The following NSMAF variants were observed in gnomAD, a reference collection of about 807,000 sequenced individuals.
NSMAF encodes protein FAN.
Under a neutral mutation model 134.9 loss-of-function variants are expected in NSMAF, and 90 were observed. The observed-to-expected ratio is 0.67, with a 90% confidence interval of 0.56 to 0.79. The LOEUF is 0.79. Among genes scored for constraint, NSMAF ranks in the 30% least tolerant of loss-of-function variants. NSMAF has a pLI of 0.00. For missense variants in NSMAF, 1,010 were observed against 1,119.0 expected, an observed-to-expected ratio of 0.90 and a Z score of 1.39; for synonymous variants, 358 against 389.6, an observed-to-expected ratio of 0.92 and a Z score of 0.96.
At chr8:58,613,409 C>G (rs1232610670) in intron 9 of NSMAF, among the ~76,000 whole-genome samples, 1 of 152,154 alleles carries the variant, frequency 6.6e-6, no homozygotes, top group East Asian at 1.9e-4. Flanking sequence ...TCTGAAGGTA[C>G]ACTCTGGCAC....
At chr8:58,648,356 T>G (rs781435311) in intron 1 of NSMAF, among the ~76,000 whole-genome samples, 5 of 152,120 alleles carry the variant, frequency 3.3e-5, no homozygotes, top group Non-Finnish European at 7.4e-5. Context: ...AAGCAGAACA[T>G]AAAACTCTGG....
intron 6 of NSMAF, among the ~76,000 whole-genome samples, chr8:58,629,544 A>C (rs1299076432): frequency 6.6e-6 from 1 of 152,046 alleles, no homozygotes; most frequent in Non-Finnish European, 1.5e-5. Flanking sequence ...CTGAAAATTT[A>C]TTTTGTACCT....
rs1458529438 is a variant in NSMAF at position 58,625,423 on chromosome 8, T to TAC, written c.385-1644_385-1643insGT. ...GTATGTATGTATGTATGTATATATA[T>TAC]GTGTGAATGTATGTACACACACATC... On this transcript the variant is annotated intron_variant, in intron 6 of 30. Transcript: ENST00000038176. Among the ~76,000 whole-genome samples the TAC allele has an allele frequency of 5.5e-3, 841 of 152,310 alleles. 7 individuals are homozygous for TAC. The highest frequency in any genetic ancestry group is 0.019 in the African/African-American group (790 of 41,544).
At position 58,603,343 on chromosome 8, in the gene NSMAF, C is replaced by G. The variant is rs2129141431; in HGVS notation, c.912G>C (p.Gln304His). The G allele has an allele frequency of 1.2e-6, 2 of 1,614,136 alleles. No homozygotes were observed. The highest frequency in any genetic ancestry group is 2.2e-5 in the South Asian group (2 of 91,082). ...AEHTAESYML[Q>H]WQRGHLSNYQ... Reference sequence around the variant, plus strand: ...AGTTGGAAAGGTGTCCACGCTGCCACTGCAGCATGTAGCTCTCAGCAGTGT... The same window carrying G: ...AGTTGGAAAGGTGTCCACGCTGCCAGTGCAGCATGTAGCTCTCAGCAGTGT... Residue 304 changes from glutamine (Q) to histidine (H), a missense_variant, in exon 13 of 31, where the codon CAG (glutamine) becomes CAC (histidine). Gln to His is a conservative substitution (Grantham distance 24, BLOSUM62 0). Coordinates refer to ENST00000038176, the MANE Select transcript of NSMAF (RefSeq NM_003580.4).
At chr8:58,589,681 C>T in intron 25 of NSMAF, 106 bp from the exon 26 acceptor site, 6 of 1,075,958 alleles carry the variant, frequency 5.6e-6, no homozygotes. Context: ...CTTACTAAGG[C>T]TCACTAGAAT....
chr8:58,601,286 T>G lies in NSMAF; in HGVS notation c.1279A>C (p.Ser427Arg), dbSNP rs1806272398. The change falls in exon 16 of 31, where the codon AGT becomes CGT. Residue 427 changes from serine (S) to arginine (R), a missense_variant and splice_region_variant. By Grantham distance (110) the Ser-to-Arg change is moderately radical. Coordinates refer to ENST00000038176, the MANE Select transcript of NSMAF (RefSeq NM_003580.4). ...RFDNADRMFN[S>R]IAETWKNCLD... ...ATAAGCAAGGCATTTGTATCAAACC[T>G]GTTGAACATTCTATCTGCATTATCA... The G allele has an allele frequency of 6.2e-7, 1 of 1,612,282 alleles. No homozygotes were observed. Among genetic ancestry groups the G allele is most frequent in the Non-Finnish European group, 8.5e-7 (1 of 1,178,480 alleles).
intron 16 of NSMAF, among the ~76,000 whole-genome samples, chr8:58,600,621 C>CAAAAAAAAAAAA (rs35209612): frequency 6.7e-5 from 3 of 44,692 alleles, no homozygotes; most frequent in African/African-American, 1.8e-4. Context: ...GACTCTGTCT[C>CAAAAAAAAAAAA]AAAAAAAAAA....
chr8:58,640,256 C>T (rs1328965338), intron 2 of NSMAF, among the ~76,000 whole-genome samples: 2 of 152,102 alleles, frequency 1.3e-5, no homozygotes, highest in African/African-American at 4.8e-5. Flanking sequence ...TGATTGTGGT[C>T]AGCATTTCAC....
At chr8:58,644,949 C>G (rs942476544) in intron 1 of NSMAF, among the ~76,000 whole-genome samples, 1 of 151,918 alleles carries the variant, frequency 6.6e-6, no homozygotes, top group East Asian at 1.9e-4. Context: ...ACATCACACA[C>G]GGGGACCTGT....
intron 10 of NSMAF, 88 bp from the exon 11 acceptor site, chr8:58,607,928 C>A (rs1761150860): frequency 1.9e-6 from 2 of 1,074,122 alleles, no homozygotes; most frequent in South Asian, 1.3e-5. Context: ...AAAAAAAAAT[C>A]ACCAAATCTT....
intron 9 of NSMAF, among the ~76,000 whole-genome samples, chr8:58,620,733 A>G (rs1806768388): frequency 6.6e-6 from 1 of 152,142 alleles, no homozygotes; most frequent in South Asian, 2.1e-4. Context: ...GGCAATAATC[A>G]TGTTTGTTTT....
intron 25 of NSMAF, 96 bp from the exon 26 acceptor site, chr8:58,589,671 C>T (rs755758820): frequency 5.2e-6 from 6 of 1,147,546 alleles, no homozygotes; most frequent in Non-Finnish European, 3.6e-6. Flanking sequence ...TCATTCTATA[C>T]TTACTAAGGC....
chr8:58,619,412 A>T (rs1416973944), intron 9 of NSMAF, among the ~76,000 whole-genome samples: 1 of 152,212 alleles, frequency 6.6e-6, no homozygotes, highest in Admixed American at 6.5e-5. Flanking sequence ...TAATCCATAA[A>T]TAAATGAACC....
At position 58,600,188 on chromosome 8, in the gene NSMAF, C is replaced by A. The variant is rs559276288; in HGVS notation, c.1281-167G>T. The stretch of plus-strand genomic sequence containing the variant: ...AGTGTCCCACTTTAACAAAAGGGAA[C>A]ACTGGGGCCCAGAGAGTTTATGTAA... On this transcript the variant is annotated intron_variant, in intron 16 of 30. Transcript: ENST00000038176. 4 of 613,400 alleles carry A rather than the reference C, an allele frequency of 6.5e-6. No homozygotes were observed. In the African/African-American group the frequency reaches 7.4e-5, roughly 11 times the overall value. 38.0% of individuals were successfully genotyped at this position (613,400 alleles called of 1,614,324 possible).
intron 28 of NSMAF, 163 bp downstream of exon 28, chr8:58,586,295 G>A (rs1805883580): frequency 1.4e-6 from 1 of 692,890 alleles, no homozygotes. Flanking sequence ...CAAGTATACT[G>A]TACCCTGGCA....
intron 1 of NSMAF, among the ~76,000 whole-genome samples, chr8:58,647,781 T>C (rs569044828): frequency 6.6e-6 from 1 of 152,190 alleles, no homozygotes; most frequent in African/African-American, 2.4e-5. Context: ...TGCAGAACCA[T>C]GAGCCAACTA....
At chr8:58,615,998 A>T (rs1441497337) in intron 9 of NSMAF, among the ~76,000 whole-genome samples, 1 of 152,210 alleles carries the variant, frequency 6.6e-6, no homozygotes, top group Non-Finnish European at 1.5e-5. Context: ...TGCTGCTGGC[A>T]TTAAAAGGAC....
chr8:58,653,565 T>A (rs1041214033), intron 1 of NSMAF, among the ~76,000 whole-genome samples: 1 of 149,964 alleles, frequency 6.7e-6, no homozygotes, highest in Non-Finnish European at 1.5e-5. Context: ...AGAAAAAAAA[T>A]TACTAGAAGT....
intron 26 of NSMAF, chr8:58,588,892 G>A (rs1338761598): frequency 1.5e-6 from 1 of 664,298 alleles, no homozygotes; most frequent in Non-Finnish European, 2.7e-6. Flanking sequence ...GCTATTGAAT[G>A]AATGCTAGAC....
Sources: allele counts gnomAD v4.1 joint callset (sites outside exome capture counted in the v4.1 genomes callset), GRCh38; gene constraint gnomAD v4.1.1; transcripts MANE v1.5; gene names NCBI Gene and HGNC (gene_info 2026-07-23, HGNC 2026-07-21).